The following DRC8 variants were observed in gnomAD, a reference collection of about 807,000 sequenced individuals.
DRC8 encodes the protein dynein regulatory complex subunit 8.
At chr1:245,027,107 A>G in the DRC8 span, among the ~76,000 whole-genome samples, 1 of 152,242 alleles carries the variant, frequency 6.6e-6, no homozygotes, top group Non-Finnish European at 1.5e-5. Context: ...AGAGTGATTT[A>G]TATCTTATCT....
chr1:244,970,364 C>A, the DRC8 span: 1 of 1,530,880 alleles, frequency 6.5e-7, no homozygotes, highest in Non-Finnish European at 8.7e-7. Context: ...CAGGCCGGGA[C>A]ACCGCGGCCG....
At chr1:245,000,614 A>G in the DRC8 span, among the ~76,000 whole-genome samples, 1 of 152,100 alleles carries the variant, frequency 6.6e-6, no homozygotes, top group Non-Finnish European at 1.5e-5. Context: ...CCCCGTCTCT[A>G]CTAAAAATAC....
the DRC8 span, among the ~76,000 whole-genome samples, chr1:244,984,193 C>T: frequency 5.9e-5 from 9 of 152,038 alleles, no homozygotes; most frequent in African/African-American, 2.2e-4. Flanking sequence ...AGAGGATAAC[C>T]CAATTTCCCA....
chr1:244,980,028 C>A, the DRC8 span, among the ~76,000 whole-genome samples: 14 of 80,862 alleles, frequency 1.7e-4, 1 homozygote, highest in East Asian at 9.9e-4. Context: ...CACGGTGAAA[C>A]CCCGTCTCTA....
chr1:245,054,629 T>C, the DRC8 span, among the ~76,000 whole-genome samples: 3 of 152,190 alleles, frequency 2.0e-5, no homozygotes, highest in Non-Finnish European at 2.9e-5. Flanking sequence ...CGGGTTCCTC[T>C]TTCTTGGATC....
At chr1:244,985,712 A>C in the DRC8 span, among the ~76,000 whole-genome samples, 1 of 151,496 alleles carries the variant, frequency 6.6e-6, no homozygotes, top group African/African-American at 2.4e-5. Context: ...TAAAATACAA[A>C]AATTAGCCAG....
chr1:245,067,166 G>A, the DRC8 span, among the ~76,000 whole-genome samples: 10 of 151,802 alleles, frequency 6.6e-5, no homozygotes, highest in South Asian at 1.5e-3. Flanking sequence ...TCACTTTGTC[G>A]CCCAGGTTGG....
the DRC8 span, among the ~76,000 whole-genome samples, chr1:245,004,064 C>T: frequency 6.6e-6 from 1 of 151,910 alleles, no homozygotes; most frequent in Non-Finnish European, 1.5e-5. Flanking sequence ...TAGAGTATTT[C>T]CTTCTTGGAT....
the DRC8 span, among the ~76,000 whole-genome samples, chr1:245,012,125 T>A: frequency 6.6e-6 from 1 of 152,172 alleles, no homozygotes; most frequent in African/African-American, 2.4e-5. Flanking sequence ...TTAATCAGAG[T>A]GCCATTTGTT....
the DRC8 span, among the ~76,000 whole-genome samples, chr1:245,000,278 A>G: frequency 8.5e-4 from 130 of 152,344 alleles, no homozygotes; most frequent in African/African-American, 3.0e-3. Context: ...TGTGATGAAG[A>G]AGGGATGGAG....
the DRC8 span, among the ~76,000 whole-genome samples, chr1:245,111,018 A>T: frequency 1.3e-5 from 2 of 151,662 alleles, no homozygotes; most frequent in African/African-American, 2.4e-5. Context: ...TTTTTTAATT[A>T]AAAAAAAACT....
At chr1:245,098,410 G>A in the DRC8 span, among the ~76,000 whole-genome samples, 6 of 152,084 alleles carry the variant, frequency 3.9e-5, no homozygotes, top group African/African-American at 1.2e-4. Context: ...GAAGGGCTCC[G>A]AGGGCTGAAC....
chr1:245,113,387 C>G, the DRC8 span, among the ~76,000 whole-genome samples: 1 of 152,186 alleles, frequency 6.6e-6, no homozygotes, highest in Non-Finnish European at 1.5e-5. Flanking sequence ...GTCTAGAGCA[C>G]AGACTATATC....
At chr1:244,975,933 G>A in the DRC8 span, among the ~76,000 whole-genome samples, 4 of 152,094 alleles carry the variant, frequency 2.6e-5, no homozygotes, top group African/African-American at 7.2e-5. Context: ...TGTTTGGTAC[G>A]TATCTAGTGA....
chr1:245,062,417 G>A, the DRC8 span, among the ~76,000 whole-genome samples: 3 of 152,140 alleles, frequency 2.0e-5, no homozygotes, highest in Admixed American at 6.5e-5. Context: ...AAATCTTACC[G>A]ACATATAGGC....
At chr1:245,010,527 G>A in the DRC8 span, among the ~76,000 whole-genome samples, 1 of 152,104 alleles carries the variant, frequency 6.6e-6, no homozygotes, top group Non-Finnish European at 1.5e-5. Flanking sequence ...GGAGCCTGTC[G>A]TGCCCTGGTC....
chr1:245,081,744 C>G, the DRC8 span, among the ~76,000 whole-genome samples: 2 of 152,208 alleles, frequency 1.3e-5, no homozygotes, highest in African/African-American at 2.4e-5. Flanking sequence ...GCTGGGATTA[C>G]AGGCGTGAGC....
the DRC8 span, chr1:245,023,199 A>G: frequency 6.6e-6 from 1 of 152,192 alleles, no homozygotes; most frequent in African/African-American, 2.4e-5. Flanking sequence ...ATCTTGTTGC[A>G]TGCGTCAGAA....
the DRC8 span, among the ~76,000 whole-genome samples, chr1:244,982,587 C>G: frequency 2.4e-4 from 36 of 152,102 alleles, no homozygotes; most frequent in African/African-American, 8.7e-4. Context: ...TCACTCGGAC[C>G]CTGGAGTCCA....
Sources: gnomAD v4.1 joint callset for allele counts (sites outside exome capture counted in the v4.1 genomes callset) on GRCh38, gnomAD v4.1.1 for gene constraint, MANE v1.5 for transcripts, NCBI Gene and HGNC (gene_info 2026-07-23, HGNC 2026-07-21) for gene names.